SLC49A4: variants seen among roughly 807,000 people sequenced by gnomAD.
The protein encoded by SLC49A4 is disrupted in renal cancer protein 2.
In SLC49A4, 36 loss-of-function variants were observed where a neutral mutation model predicts 50.6. The observed-to-expected ratio is 0.71, with a 90% confidence interval of 0.55 to 0.94. The LOEUF is 0.94. Ranked by LOEUF, SLC49A4 falls within the 40% of genes least tolerant of loss-of-function variation. The pLI is 0.00. For missense variants in SLC49A4, 503 were observed against 605.7 expected (o/e 0.83, Z 1.78); for synonymous variants, 248 against 241.2 (o/e 1.03, Z -0.26).
At chr3:122,846,006 C>G (rs1379383562) in intron 5 of SLC49A4, 135 bp downstream of exon 5, 4 of 455,706 alleles carry the variant, frequency 8.8e-6, no homozygotes, top group Non-Finnish European at 1.1e-5. Flanking sequence ...AAAGCAAGAT[C>G]TTTATGGAAT....
chr3:122,845,612 T>A, intron 4 of SLC49A4, 151 bp from the exon 5 acceptor site: 1 of 377,542 alleles, frequency 2.6e-6, no homozygotes, highest in Middle Eastern at 7.0e-4. Context: ...AGCACGTTTT[T>A]TTTTTTTTTT....
rs1480873782 is a variant in SLC49A4 at position 122,798,417 on chromosome 3, T to C, written c.343+2882T>C. 8.5e-5 allele frequency among the ~76,000 whole-genome samples: 13 copies of C among 152,216 alleles called. No individual in the cohort carries two copies. The East Asian group carries it at 2.5e-3, about 29-fold the overall frequency. On this transcript the variant is annotated intron_variant, in intron 1 of 8. Coordinates refer to ENST00000261038, the MANE Select transcript of SLC49A4 (RefSeq NM_032839.3). ...TAAGGTACTTTAGTTCTTCAGTAGT[T>C]CTTGTGACTATATGGTGAATTCAAT...
intron 3 of SLC49A4, 140 bp downstream of exon 3, chr3:122,827,205 T>C: frequency 1.1e-6 from 1 of 911,692 alleles, no homozygotes; most frequent in South Asian, 1.8e-5. Flanking sequence ...TGTGCATTCC[T>C]TGTCATATGA....
chr3:122,858,925 A>G (rs1233217770), intron 6 of SLC49A4, among the ~76,000 whole-genome samples: 3 of 152,230 alleles, frequency 2.0e-5, no homozygotes, highest in Admixed American at 1.3e-4. Context: ...CTTTAGTTTC[A>G]TGAAAACTCA....
intron 2 of SLC49A4, among the ~76,000 whole-genome samples, chr3:122,823,288 G>A (rs1936478947): frequency 6.6e-6 from 1 of 152,198 alleles, no homozygotes; most frequent in South Asian, 2.1e-4. Flanking sequence ...GGGGATAGTT[G>A]GAGCTTAGAT....
chr3:122,822,796 A>G (rs1225282165), intron 2 of SLC49A4, among the ~76,000 whole-genome samples: 1 of 151,870 alleles, frequency 6.6e-6, no homozygotes, highest in African/African-American at 2.4e-5. Flanking sequence ...CCCCACCCCA[A>G]TCCACCTACA....
rs999607476 is a variant in SLC49A4 at position 122,816,558 on chromosome 3, A to T, written c.437+9608A>T. Among the ~76,000 whole-genome samples the T allele has an allele frequency of 2.0e-5, 3 of 152,172 alleles. No homozygotes were observed. The South Asian group carries it at 6.2e-4, about 31-fold the overall frequency. ...CCCCAATTCTTGAGCTAATTTCTCA[A>T]TTAGAGGACAAATTAAGTTGCTATA... On this transcript the variant is annotated intron_variant, in intron 2 of 8. Coordinates refer to ENST00000261038, the MANE Select transcript of SLC49A4 (RefSeq NM_032839.3).
intron 1 of SLC49A4, among the ~76,000 whole-genome samples, chr3:122,796,138 A>T (rs1576287162): frequency 6.6e-6 from 1 of 152,204 alleles, no homozygotes; most frequent in Admixed American, 6.5e-5. Flanking sequence ...ATGAGTGAAG[A>T]TGCTTGCTTA....
At chr3:122,872,684 A>C (rs1937211074) in intron 8 of SLC49A4, 87 bp downstream of exon 8, 1 of 890,866 alleles carries the variant, frequency 1.1e-6, no homozygotes, top group Admixed American at 3.1e-5. Context: ...TATATGGAGA[A>C]GTCTCACCAA....
intron 3 of SLC49A4, among the ~76,000 whole-genome samples, chr3:122,832,110 A>G (rs1420623304): frequency 6.6e-6 from 1 of 152,180 alleles, no homozygotes; most frequent in Non-Finnish European, 1.5e-5. Context: ...TGCTAAGAAT[A>G]TAGCCCTAGA....
At chr3:122,828,428 G>A (rs1038719965) in intron 3 of SLC49A4, among the ~76,000 whole-genome samples, 23 of 152,316 alleles carry the variant, frequency 1.5e-4, no homozygotes, top group Admixed American at 1.4e-3. Context: ...ACAGTAGGCA[G>A]GAAGATTACA....
rs574062420 is a variant in SLC49A4, at chr3:122,821,771, C to T, written c.438-5029C>T. Among the ~76,000 whole-genome samples the T allele has an allele frequency of 2.0e-5, 3 of 152,236 alleles. No individual in the cohort carries two copies. In the South Asian group the frequency reaches 6.2e-4, roughly 32 times the overall value. On this transcript the variant is annotated intron_variant, in intron 2 of 8. Transcript: ENST00000261038. ...CACATTGGCCTTGCTTTTAAAACAC[C>T]CTAAAACATCCTTTTTTAAAATGTC...
Position 122,857,619 on chromosome 3 carries a change from A to G in SLC49A4, c.1010+1245A>G, listed in dbSNP as rs1460201993. Among the ~76,000 whole-genome samples, 5 of 152,180 alleles carry G rather than the reference A, an allele frequency of 3.3e-5. No homozygotes were observed. In the East Asian group the frequency reaches 9.6e-4, roughly 29 times the overall value. On this transcript the variant is annotated intron_variant, in intron 6 of 8. Coordinates refer to ENST00000261038, the MANE Select transcript of SLC49A4 (RefSeq NM_032839.3). The stretch of plus-strand genomic sequence containing the variant: ...AAATTGACACTGTAATTTCTAAATC[A>G]CTTTATTTGAAGTGTTAGGAAAATA...
chr3:122,881,023 C>T lies in SLC49A4; in HGVS notation c.*1645C>T, dbSNP rs1232634690. ...TCTCTCTTTATAAACACTCTGCTCA[C>T]TTAGCAGAAGGACTGAAGGAACTAA... On this transcript the variant is annotated 3_prime_UTR_variant, in exon 9 of 9. Transcript: ENST00000261038. The T allele has an allele frequency of 6.6e-6, 1 of 152,134 alleles. No homozygotes were observed. The highest frequency in any genetic ancestry group is 1.5e-5 in the Non-Finnish European group (1 of 68,044). 9.4% of individuals were successfully genotyped at this position (152,134 alleles called of 1,614,324 possible).
At chr3:122,825,714 T>TA (rs1432747114) in intron 2 of SLC49A4, among the ~76,000 whole-genome samples, 2 of 93,854 alleles carry the variant, frequency 2.1e-5, no homozygotes, top group Non-Finnish European at 5.3e-5. Context: ...GTTCATATCA[T>TA]GAAATGTCAC....
At chr3:122,865,879 A>G (rs1224908763) in intron 7 of SLC49A4, among the ~76,000 whole-genome samples, 2 of 152,162 alleles carry the variant, frequency 1.3e-5, no homozygotes, top group Non-Finnish European at 2.9e-5. Flanking sequence ...ACTCCTTAAG[A>G]TATAATTCTT....
At chr3:122,809,428 A>G (rs1275299114) in intron 2 of SLC49A4, among the ~76,000 whole-genome samples, 1 of 152,120 alleles carries the variant, frequency 6.6e-6, no homozygotes, top group Non-Finnish European at 1.5e-5. Context: ...TTTCTTTTAA[A>G]ATGCCTATTA....
intron 2 of SLC49A4, among the ~76,000 whole-genome samples, chr3:122,825,704 G>A (rs1936516792): frequency 2.1e-5 from 2 of 97,478 alleles, no homozygotes; most frequent in Admixed American, 1.8e-4. Flanking sequence ...AAAAAGATGA[G>A]TTCATATCAT....
At chr3:122,847,510 A>G (rs775636560) in intron 5 of SLC49A4, among the ~76,000 whole-genome samples, 1 of 151,884 alleles carries the variant, frequency 6.6e-6, no homozygotes, top group African/African-American at 2.4e-5. Flanking sequence ...ACACCCGGCT[A>G]ATTTTTTTGT....
Sources: gnomAD v4.1 joint callset for allele counts (sites outside exome capture counted in the v4.1 genomes callset) on GRCh38, gnomAD v4.1.1 for gene constraint, MANE v1.5 for transcripts, NCBI Gene and HGNC (gene_info 2026-07-23, HGNC 2026-07-21) for gene names.